GABBR2: variants seen among roughly 807,000 people sequenced by gnomAD.
The protein encoded by GABBR2 is gamma-aminobutyric acid type B receptor subunit 2.
Under a neutral mutation model 105.6 loss-of-function variants are expected in GABBR2, and 23 were observed. That is an observed-to-expected ratio of 0.22 (90% CI 0.16 to 0.31). The LOEUF (loss-of-function observed/expected upper bound fraction) is 0.31, where lower values mean the gene tolerates loss of function less well. Ranked by LOEUF, GABBR2 falls within the 10% of genes least tolerant of loss-of-function variation. GABBR2 has a pLI of 1.00. For missense variants in GABBR2, 734 were observed against 1,245.5 expected (o/e 0.59, Z 6.18); for synonymous variants, 478 against 499.7 (o/e 0.96, Z 0.58).
intron 3 of GABBR2, among the ~76,000 whole-genome samples, chr9:98,503,366 G>T (rs975200001): frequency 6.6e-6 from 1 of 152,186 alleles, no homozygotes; most frequent in Non-Finnish European, 1.5e-5. Flanking sequence ...TCACGTGAAG[G>T]ATCAGGTCTC....
chr9:98,433,248 C>T (rs1324428433), intron 7 of GABBR2, among the ~76,000 whole-genome samples: 4 of 152,234 alleles, frequency 2.6e-5, no homozygotes, highest in Non-Finnish European at 5.9e-5. Flanking sequence ...GTGGATTAAA[C>T]TGTCACTACG....
At chr9:98,636,937 T>C (rs1829886284) in intron 1 of GABBR2, among the ~76,000 whole-genome samples, 1 of 152,150 alleles carries the variant, frequency 6.6e-6, no homozygotes, top group Non-Finnish European at 1.5e-5. Flanking sequence ...TGGAAGACTC[T>C]GGTTTGGTGG....
intron 4 of GABBR2, among the ~76,000 whole-genome samples, chr9:98,487,868 C>T (rs556981907): frequency 3.3e-5 from 5 of 152,220 alleles, no homozygotes; most frequent in Admixed American, 2.0e-4. Context: ...ATTCACATTC[C>T]AGATGGAATT....
chr9:98,528,257 T>C (rs1827998846), intron 3 of GABBR2, among the ~76,000 whole-genome samples: 1 of 152,122 alleles, frequency 6.6e-6, no homozygotes, highest in African/African-American at 2.4e-5. Context: ...GAAAAAGATA[T>C]ATTAAGTGCT....
intron 3 of GABBR2, among the ~76,000 whole-genome samples, chr9:98,535,124 A>G (rs1374850904): frequency 6.6e-6 from 1 of 152,142 alleles, no homozygotes; most frequent in Admixed American, 6.5e-5. Context: ...GGGGGAACAG[A>G]GTCTCACTCT....
chr9:98,303,494 A>G, intron 15 of GABBR2, 71 bp from the exon 16 acceptor site: 6 of 1,346,302 alleles, frequency 4.5e-6, no homozygotes, highest in Non-Finnish European at 4.2e-6. Flanking sequence ...CACATGGCAG[A>G]CTCTCCCAGC....
At chr9:98,639,791 T>C (rs1829934782) in intron 1 of GABBR2, among the ~76,000 whole-genome samples, 1 of 151,888 alleles carries the variant, frequency 6.6e-6, no homozygotes, top group African/African-American at 2.4e-5. Flanking sequence ...GCTCCAAGGG[T>C]CCCGGTGGTC....
chr9:98,641,129 G>GTT (rs34931575), intron 1 of GABBR2, among the ~76,000 whole-genome samples: 2 of 125,238 alleles, frequency 1.6e-5, no homozygotes. Context: ...CTGTGGTTTG[G>GTT]TTTTTTTTTT....
chr9:98,331,396 C>CTTTTTTTTTTT (rs142735341), intron 13 of GABBR2, among the ~76,000 whole-genome samples: 3 of 76,028 alleles, frequency 3.9e-5, no homozygotes, highest in Non-Finnish European at 4.8e-5. Flanking sequence ...AGTCCCTCTT[C>CTTTTTTTTTTT]TTTTTTTTTT....
chr9:98,650,469 C>T (rs1457168883), intron 1 of GABBR2, among the ~76,000 whole-genome samples: 1 of 152,182 alleles, frequency 6.6e-6, no homozygotes, highest in Non-Finnish European at 1.5e-5. Context: ...CCTTTGCCAG[C>T]CCCAAAGCTA....
chr9:98,465,371 C>T (rs1207464155), intron 6 of GABBR2, among the ~76,000 whole-genome samples: 2 of 152,128 alleles, frequency 1.3e-5, no homozygotes, highest in Non-Finnish European at 2.9e-5. Flanking sequence ...CATTACCTCA[C>T]ATCCTATACA....
chr9:98,389,390 G>C (rs1195654218), intron 9 of GABBR2, among the ~76,000 whole-genome samples: 1 of 152,156 alleles, frequency 6.6e-6, no homozygotes, highest in Non-Finnish European at 1.5e-5. Context: ...GAAGAACTTG[G>C]CTTTGGCCTC....
chr9:98,313,389 ATC>A (rs1473196464), intron 13 of GABBR2, among the ~76,000 whole-genome samples: 1 of 152,134 alleles, frequency 6.6e-6, no homozygotes, highest in African/African-American at 2.4e-5. Flanking sequence ...TTAAAAATAA[ATC>A]TGTCTGTCTG....
intron 13 of GABBR2, among the ~76,000 whole-genome samples, chr9:98,348,636 A>C (rs953067831): frequency 2.0e-5 from 3 of 152,186 alleles, no homozygotes; most frequent in Non-Finnish European, 4.4e-5. Flanking sequence ...TTTTCATTGT[A>C]GAGGTCTTTC....
Position 98,654,229 on chromosome 9 carries a change from C to T in GABBR2, c.321+54188G>A, listed in dbSNP as rs16917779. Among the ~76,000 whole-genome samples, 5 of 152,290 alleles carry T rather than the reference C, an allele frequency of 3.3e-5. No homozygotes were observed. The South Asian group carries it at 6.2e-4, about 19-fold the overall frequency. On this transcript the variant is annotated intron_variant, in intron 1 of 18. Coordinates refer to ENST00000259455, the MANE Select transcript of GABBR2 (RefSeq NM_005458.8). ...TCCACTCTTCCCTGACACCACGGTG[C>T]GCTCTATGGAAACAGAGCCAAGAAC... is the stretch of plus-strand genomic sequence containing the variant.
At chr9:98,291,586 C>T (rs183624100) in intron 18 of GABBR2, among the ~76,000 whole-genome samples, 66 of 152,220 alleles carry the variant, frequency 4.3e-4, no homozygotes, top group African/African-American at 1.5e-3. Context: ...ACTAGGAAGC[C>T]AAGGAAGGGA....
At chr9:98,525,887 T>C (rs536505143) in intron 3 of GABBR2, among the ~76,000 whole-genome samples, 84 of 152,324 alleles carry the variant, frequency 5.5e-4, no homozygotes, top group African/African-American at 1.9e-3. Context: ...GAAAACATTA[T>C]GCTAAGTGAA....
intron 13 of GABBR2, among the ~76,000 whole-genome samples, chr9:98,352,679 G>A (rs776218223): frequency 6.6e-6 from 1 of 152,092 alleles, no homozygotes; most frequent in South Asian, 2.1e-4. Context: ...GGAGGGGGAG[G>A]GGTTATCGGC....
At chr9:98,352,591 T>C (rs1409580353) in intron 13 of GABBR2, among the ~76,000 whole-genome samples, 1 of 151,994 alleles carries the variant, frequency 6.6e-6, no homozygotes, top group Non-Finnish European at 1.5e-5. Flanking sequence ...TGTGCATGGA[T>C]GCTGGTTATG....
Sources: allele counts gnomAD v4.1 joint callset (sites outside exome capture counted in the v4.1 genomes callset), GRCh38; gene constraint gnomAD v4.1.1; transcripts MANE v1.5; gene names NCBI Gene and HGNC (gene_info 2026-07-23, HGNC 2026-07-21).